The following ME3 variants were observed in gnomAD, a reference collection of about 807,000 sequenced individuals.
ME3 encodes NADP-dependent malic enzyme, mitochondrial.
ME3 carries 48 observed loss-of-function variants against 68.9 expected under a neutral mutation model. The ratio of observed to expected loss-of-function variants is 0.70; its 90% CI spans 0.55 to 0.89. The LOEUF is 0.89. Among genes scored for constraint, ME3 ranks in the 40% least tolerant of loss-of-function variants. The pLI, the probability that ME3 is intolerant of heterozygous loss-of-function variation, is 0.00. For synonymous variants in ME3, 320 were observed against 318.8 expected (o/e 1.00, Z -0.04); for missense variants, 675 against 797.4 (o/e 0.85, Z 1.85).
intron 2 of ME3, among the ~76,000 whole-genome samples, chr11:86,641,129 C>T (rs1178887121): frequency 4.0e-5 from 6 of 151,806 alleles, no homozygotes; most frequent in Non-Finnish European, 5.9e-5. Context: ...TTTACTGACC[C>T]TTATGCAATT....
At chr11:86,469,105 C>G (rs1950644582) in intron 7 of ME3, among the ~76,000 whole-genome samples, 1 of 152,076 alleles carries the variant, frequency 6.6e-6, no homozygotes, top group Admixed American at 6.5e-5. Context: ...ATTTCTTTCT[C>G]CATTGGGAAA....
At chr11:86,661,271 G>A (rs1946258309) in intron 2 of ME3, among the ~76,000 whole-genome samples, 1 of 152,244 alleles carries the variant, frequency 6.6e-6, no homozygotes. Context: ...CTGCCATGTG[G>A]CGTTATCGAG....
Position 86,448,148 on chromosome 11 carries a change from A to C in ME3, c.1237+2T>G, listed in dbSNP as rs1451862478. ...GGTAGTGGGTACCCTCCCTCCTCCT[A>C]CCTATGATGGCTGTGGGCTTCACCA... On this transcript the variant is annotated splice_donor_variant, in intron 11 of 14. Coordinates refer to ENST00000543262, the Ensembl canonical transcript of ME3. LOFTEE classifies it high-confidence loss of function. 1 of 1,608,680 alleles carries C rather than the reference A, an allele frequency of 6.2e-7. No homozygotes were observed. Among genetic ancestry groups the C allele is most frequent in the Admixed American group, 1.7e-5 (1 of 59,998 alleles).
intron 2 of ME3, among the ~76,000 whole-genome samples, chr11:86,669,472 T>TA (rs1946782490): frequency 6.6e-6 from 1 of 152,078 alleles, no homozygotes; most frequent in Admixed American, 6.5e-5. Context: ...TCAAGAAACT[T>TA]ACAATCATGG....
intron 2 of ME3, among the ~76,000 whole-genome samples, chr11:86,568,817 A>G (rs1382982735): frequency 2.6e-5 from 4 of 152,318 alleles, no homozygotes; most frequent in East Asian, 1.9e-4. Context: ...CCTTCATTCA[A>G]CAAACACCCA....
intron 2 of ME3, among the ~76,000 whole-genome samples, chr11:86,563,834 C>A (rs1957353552): frequency 6.6e-6 from 1 of 152,128 alleles, no homozygotes; most frequent in African/African-American, 2.4e-5. Context: ...CAGTACCATG[C>A]TGTTTTGGTT....
chr11:86,592,198 G>T lies in ME3; in HGVS notation c.184-32375C>A, dbSNP rs1959101271. Among the ~76,000 whole-genome samples, 3 of 152,194 alleles carry T rather than the reference G, an allele frequency of 2.0e-5. No homozygotes were observed. The South Asian group carries it at 6.2e-4, about 32-fold the overall frequency. The stretch of plus-strand genomic sequence containing the variant: ...TGGGCACTGTGACAATGATGGCCAG[G>T]TGTGTTGGGAATTCAATCACTTGAA... On this transcript the variant is annotated intron_variant, in intron 2 of 14. Transcript: ENST00000543262.
At chr11:86,537,320 A>C (rs1393565110) in intron 4 of ME3, among the ~76,000 whole-genome samples, 1 of 150,886 alleles carries the variant, frequency 6.6e-6, no homozygotes, top group Non-Finnish European at 1.5e-5. Context: ...ACATAAATAT[A>C]ATATTATATA....
chr11:86,614,213 CCA>C (rs1207614226), intron 2 of ME3, among the ~76,000 whole-genome samples: 1 of 152,160 alleles, frequency 6.6e-6, no homozygotes, highest in Non-Finnish European at 1.5e-5. Flanking sequence ...ATGATTTGCC[CCA>C]GTCACTTATT....
At chr11:86,488,711 A>G (rs1951833529) in intron 6 of ME3, among the ~76,000 whole-genome samples, 1 of 152,132 alleles carries the variant, frequency 6.6e-6, no homozygotes, top group African/African-American at 2.4e-5. Flanking sequence ...TGCATGACAC[A>G]TTTATTTCTC....
At chr11:86,586,136 G>A (rs770945386) in intron 2 of ME3, among the ~76,000 whole-genome samples, 1 of 152,210 alleles carries the variant, frequency 6.6e-6, no homozygotes, top group Non-Finnish European at 1.5e-5. Context: ...GTGGTTTAAG[G>A]TGGAGATATT....
At chr11:86,465,806 A>G (rs1024998022) in intron 7 of ME3, among the ~76,000 whole-genome samples, 2 of 152,218 alleles carry the variant, frequency 1.3e-5, no homozygotes, top group African/African-American at 4.8e-5. Context: ...TTGTTCTCCA[A>G]CTTGCAGGTG....
exon 10 of ME3, chr11:86,449,999 C>A: frequency 6.2e-7 from 1 of 1,610,264 alleles, no homozygotes; most frequent in Non-Finnish European, 8.5e-7. Flanking sequence ...ATGCCCATAG[C>A]TGCCTGGAAG....
At chr11:86,456,889 A>G (rs555666653) in intron 8 of ME3, among the ~76,000 whole-genome samples, 1 of 152,300 alleles carries the variant, frequency 6.6e-6, no homozygotes, top group Admixed American at 6.5e-5. Flanking sequence ...CAACTCCATG[A>G]AGTAGGGACT....
chr11:86,618,174 C>T (rs942511146), intron 2 of ME3, among the ~76,000 whole-genome samples: 2 of 151,654 alleles, frequency 1.3e-5, no homozygotes, highest in South Asian at 2.1e-4. Context: ...GTGGCACGCA[C>T]CTATAACCCC....
chr11:86,504,819 T>G (rs896830285), intron 5 of ME3, among the ~76,000 whole-genome samples: 2 of 151,900 alleles, frequency 1.3e-5, no homozygotes, highest in South Asian at 4.2e-4. Flanking sequence ...GCCTCCTGAA[T>G]AGTTGGGACT....
intron 8 of ME3, chr11:86,464,127 A>G (rs760152453): frequency 5.3e-5 from 24 of 449,946 alleles, no homozygotes; most frequent in Admixed American, 1.7e-4. Flanking sequence ...TGGAGAAGTC[A>G]TCTGCAAAAT....
intron 4 of ME3, among the ~76,000 whole-genome samples, chr11:86,525,448 A>G (rs1289410447): frequency 1.3e-5 from 2 of 152,140 alleles, no homozygotes; most frequent in African/African-American, 4.8e-5. Context: ...TTACTTATCA[A>G]TAATTACTTT....
chr11:86,497,941 C>T, intron 6 of ME3, 22 bp downstream of exon 6: 2 of 1,565,840 alleles, frequency 1.3e-6, no homozygotes, highest in Non-Finnish European at 8.7e-7. Context: ...CCCCAGAGCT[C>T]CTGCCCTGGG....
Sources: gnomAD v4.1 joint callset for allele counts (sites outside exome capture counted in the v4.1 genomes callset) on GRCh38, gnomAD v4.1.1 for gene constraint, MANE v1.5 for transcripts, NCBI Gene and HGNC (gene_info 2026-07-23, HGNC 2026-07-21) for gene names.